The following FOXP1 variants were observed in gnomAD, a reference collection of about 807,000 sequenced individuals.
FOXP1 encodes forkhead box protein P1.
Under a neutral mutation model 98.2 loss-of-function variants are expected in FOXP1, and 15 were observed. The observed-to-expected ratio is 0.15, with a 90% CI of 0.10 to 0.24. FOXP1 has a LOEUF of 0.24. Among genes scored for constraint, FOXP1 ranks in the 10% least tolerant of loss-of-function variants. FOXP1 has a pLI of 1.00. For synonymous variants in FOXP1, 371 were observed against 314.5 expected, an observed-to-expected ratio of 1.18 and a Z score of -1.90; for missense variants, 633 against 848.5, an observed-to-expected ratio of 0.75 and a Z score of 3.15.
intron 4 of FOXP1, among the ~76,000 whole-genome samples, chr3:71,314,346 T>C (rs887886049): frequency 2.6e-5 from 4 of 152,002 alleles, no homozygotes; most frequent in South Asian, 2.1e-4. Context: ...CTGGCCATCA[T>C]GGTGAAACCC....
intron 5 of FOXP1, among the ~76,000 whole-genome samples, chr3:71,236,123 T>C (rs186387029): frequency 2.7e-4 from 41 of 152,298 alleles, no homozygotes; most frequent in African/African-American, 9.9e-4. Flanking sequence ...GCTCATGGAA[T>C]CATCATAGCA....
chr3:71,185,345 C>A (rs747897866), intron 6 of FOXP1, among the ~76,000 whole-genome samples: 42 of 152,162 alleles, frequency 2.8e-4, no homozygotes, highest in South Asian at 4.1e-4. Context: ...AAGGGCAACA[C>A]CATCTCTTCA....
intron 3 of FOXP1, among the ~76,000 whole-genome samples, chr3:71,367,238 C>G (rs1313044916): frequency 6.6e-6 from 1 of 152,206 alleles, no homozygotes; most frequent in Non-Finnish European, 1.5e-5. Context: ...CGCCTCCTCT[C>G]TCCTGCAGAG....
intron 3 of FOXP1, among the ~76,000 whole-genome samples, chr3:71,482,230 T>G (rs1050878838): frequency 1.3e-5 from 2 of 152,170 alleles, no homozygotes; most frequent in African/African-American, 2.4e-5. Context: ...CACAGTAATC[T>G]TTATAGTTTT....
intron 5 of FOXP1, among the ~76,000 whole-genome samples, chr3:71,246,180 G>C (rs146981127): frequency 4.6e-5 from 7 of 152,278 alleles, no homozygotes; most frequent in African/African-American, 1.4e-4. Flanking sequence ...CCCTAGGTGA[G>C]AGCCGTGGCT....
intron 3 of FOXP1, among the ~76,000 whole-genome samples, chr3:71,378,102 A>C (rs577687638): frequency 0.022 from 3,361 of 151,788 alleles, 52 homozygotes; most frequent in Middle Eastern, 0.051. Context: ...AGAAACAAAA[A>C]AAAAAAAAAA....
intron 5 of FOXP1, among the ~76,000 whole-genome samples, chr3:71,242,463 A>C (rs2067364173): frequency 6.6e-6 from 1 of 152,218 alleles, no homozygotes. Context: ...ATACATCAGG[A>C]GGTACAGCTA....
intron 2 of FOXP1, among the ~76,000 whole-genome samples, chr3:71,501,972 T>C (rs2041408482): frequency 6.6e-6 from 1 of 152,176 alleles, no homozygotes; most frequent in African/African-American, 2.4e-5. Flanking sequence ...ATATCCTGGA[T>C]GGTGGCACGA....
At chr3:71,197,056 G>C (rs568154326) in intron 6 of FOXP1, among the ~76,000 whole-genome samples, 1 of 152,220 alleles carries the variant, frequency 6.6e-6, no homozygotes, top group African/African-American at 2.4e-5. Context: ...TCTTCGCAAG[G>C]AGAAAATAAA....
Position 71,014,139 on chromosome 3 carries a change from C to A in FOXP1, c.974+1410G>T, listed in dbSNP as rs1225122813. 2.0e-5 allele frequency among the ~76,000 whole-genome samples: 3 copies of A among 152,224 alleles called. No homozygotes were observed. In the East Asian group the frequency reaches 5.8e-4, roughly 29 times the overall value. Reference sequence around the variant, plus strand: ...ACAGCAAAAGCAATGGCAACAAAAGCCAAAATTGACAAATGGGATCTAATT... The same window carrying A: ...ACAGCAAAAGCAATGGCAACAAAAGACAAAATTGACAAATGGGATCTAATT... On this transcript the variant is annotated intron_variant, in intron 12 of 20. Coordinates refer to ENST00000649528, the MANE Select transcript of FOXP1 (RefSeq NM_001349338.3).
At chr3:71,024,505 A>G (rs1036501238) in intron 11 of FOXP1, among the ~76,000 whole-genome samples, 30 of 152,228 alleles carry the variant, frequency 2.0e-4, no homozygotes, top group African/African-American at 6.5e-4. Flanking sequence ...CCTAGAGTGA[A>G]TAAGGATGGA....
In FOXP1 at chr3:70,956,499, T is replaced by A. The variant is rs981818417; in HGVS notation, c.*2748A>T. ...GCAACTGAGTGAAATGTTTTTTTTT[T>A]AAATTTTAATCATTCCCTAAAGGTT... On this transcript the variant is annotated 3_prime_UTR_variant, in exon 21 of 21. Transcript: ENST00000649528. 99 of 230,574 alleles carry A rather than the reference T, an allele frequency of 4.3e-4. No individual in the cohort carries two copies. Among genetic ancestry groups the A allele is most frequent in the African/African-American group, 2.0e-3 (89 of 45,192 alleles). The allele number at this position is 230,574 out of a possible 1,614,324, so 14.3% of individuals were successfully genotyped here.
At chr3:71,035,332 G>A (rs2047437199) in intron 11 of FOXP1, among the ~76,000 whole-genome samples, 1 of 152,206 alleles carries the variant, frequency 6.6e-6, no homozygotes, top group Non-Finnish European at 1.5e-5. Context: ...CAGGGAATCT[G>A]AGAAACACCA....
intron 5 of FOXP1, among the ~76,000 whole-genome samples, chr3:71,259,907 C>A (rs1049017257): frequency 1.3e-5 from 2 of 152,114 alleles, no homozygotes; most frequent in Admixed American, 1.3e-4. Flanking sequence ...CTGCTGGAGG[C>A]TCAGCGTGGT....
intron 3 of FOXP1, among the ~76,000 whole-genome samples, chr3:71,390,981 T>C (rs541942709): frequency 8.5e-5 from 13 of 152,192 alleles, no homozygotes; most frequent in Non-Finnish European, 1.9e-4. Context: ...AATCAAATTG[T>C]TTGTTCAAAA....
chr3:71,063,975 T>TCC, intron 7 of FOXP1, among the ~76,000 whole-genome samples: 1 of 152,266 alleles, frequency 6.6e-6, no homozygotes, highest in East Asian at 1.9e-4. Flanking sequence ...CCACTGACCG[T>TCC]CCTTCATGCA....
intron 2 of FOXP1, among the ~76,000 whole-genome samples, chr3:71,505,646 C>T (rs1188211165): frequency 6.6e-6 from 1 of 152,076 alleles, no homozygotes; most frequent in Non-Finnish European, 1.5e-5. Flanking sequence ...AGGATAGTCT[C>T]GATCTCCTGA....
chr3:71,540,830 C>A (rs1002193039), intron 2 of FOXP1, among the ~76,000 whole-genome samples: 1 of 152,192 alleles, frequency 6.6e-6, no homozygotes, highest in Non-Finnish European at 1.5e-5. Flanking sequence ...ATATCCAGTG[C>A]CCTAATATGG....
At chr3:71,554,078 C>T (rs1055407189) in intron 2 of FOXP1, among the ~76,000 whole-genome samples, 6 of 152,102 alleles carry the variant, frequency 3.9e-5, no homozygotes, top group African/African-American at 1.4e-4. Flanking sequence ...CTGGATACAG[C>T]GGCTCACACC....
Sources: gnomAD v4.1 joint callset for allele counts (sites outside exome capture counted in the v4.1 genomes callset) on GRCh38, gnomAD v4.1.1 for gene constraint, MANE v1.5 for transcripts, NCBI Gene and HGNC (gene_info 2026-07-23, HGNC 2026-07-21) for gene names.